The following LRBA variants were observed in gnomAD, a reference collection of about 807,000 sequenced individuals.
LRBA encodes the protein lipopolysaccharide-responsive and beige-like anchor protein.
Under a neutral mutation model 330.0 loss-of-function variants are expected in LRBA, and 176 were observed. That is an observed-to-expected ratio of 0.53 (90% CI 0.47 to 0.60). The LOEUF (loss-of-function observed/expected upper bound fraction) is 0.60. Among genes scored for constraint, LRBA ranks in the 20% least tolerant of loss-of-function variants. LRBA has a pLI of 0.00. For missense variants in LRBA, 3,259 were observed against 3,444.8 expected (o/e 0.95, Z 1.35); for synonymous variants, 1,230 against 1,193.0 (o/e 1.03, Z -0.64).
rs70941440 is a variant in LRBA, at chr4:150,768,927, C to CTTTTTTTT, written c.5581-7088_5581-7081dup. Among the ~76,000 whole-genome samples, 7 of 75,026 alleles carry CTTTTTTTT rather than the reference C, an allele frequency of 9.3e-5. 2 individuals are homozygous for CTTTTTTTT. Among genetic ancestry groups the CTTTTTTTT allele is most frequent in the African/African-American group, 2.5e-4 (5 of 19,666 alleles). The allele number at this position is 75,026 out of a possible 152,430, so 49.2% of individuals were successfully genotyped here. On this transcript the variant is annotated intron_variant, in intron 34 of 56. Transcript: ENST00000651943. ...TAGGGATTTTATCAAGTGCTGTCTC[C>CTTTTTTTT]TTTTTTTTTTTTTTTTTTTTTTTTT...
intron 44 of LRBA, among the ~76,000 whole-genome samples, chr4:150,457,843 A>G (rs1411369805): frequency 6.6e-6 from 1 of 151,996 alleles, no homozygotes; most frequent in Non-Finnish European, 1.5e-5. Flanking sequence ...GATAAAATTA[A>G]TAATGCTATG....
chr4:150,620,993 T>A (rs1776237406), intron 37 of LRBA, among the ~76,000 whole-genome samples: 1 of 152,200 alleles, frequency 6.6e-6, no homozygotes, highest in African/African-American at 2.4e-5. Flanking sequence ...TTTGAAATTT[T>A]TTTGGAGAAA....
At chr4:150,477,777 C>T (rs1756879496) in intron 42 of LRBA, among the ~76,000 whole-genome samples, 2 of 152,000 alleles carry the variant, frequency 1.3e-5, no homozygotes, top group African/African-American at 4.8e-5. Flanking sequence ...CCGCTTCTTC[C>T]TCATGCTCCT....
intron 52 of LRBA, among the ~76,000 whole-genome samples, chr4:150,308,499 T>TA (rs1730644199): frequency 1.3e-5 from 2 of 152,230 alleles, no homozygotes; most frequent in South Asian, 4.1e-4. Context: ...TTTTTATTGT[T>TA]AAAGTGTAGT....
At chr4:150,658,538 TC>T (rs1288008384) in intron 37 of LRBA, among the ~76,000 whole-genome samples, 1 of 14 alleles carries the variant, frequency 0.071, no homozygotes, top group African/African-American at 0.083. Context: ...CCTCTCCCTC[TC>T]CCTCTCCCTC....
chr4:150,409,762 T>G (rs575103512), intron 47 of LRBA, among the ~76,000 whole-genome samples: 1 of 152,160 alleles, frequency 6.6e-6, no homozygotes. Flanking sequence ...AAATCTTTTT[T>G]CCTCTTATTT....
intron 46 of LRBA, among the ~76,000 whole-genome samples, chr4:150,432,450 G>GTTTTTTT (rs1235370407): frequency 5.6e-5 from 4 of 70,848 alleles, no homozygotes; most frequent in Non-Finnish European, 8.9e-5. Flanking sequence ...ATTTAAGTGT[G>GTTTTTTT]TTCTTTTTTT....
intron 51 of LRBA, chr4:150,315,130 A>G (rs1580988007): frequency 4.8e-6 from 1 of 208,054 alleles, no homozygotes; most frequent in East Asian, 1.6e-4. Flanking sequence ...TTTATTTTTC[A>G]TAACGCAGTG....
At chr4:150,636,569 C>T (rs1050099002) in intron 37 of LRBA, among the ~76,000 whole-genome samples, 1 of 152,144 alleles carries the variant, frequency 6.6e-6, no homozygotes, top group Non-Finnish European at 1.5e-5. Context: ...AAGATCAAGG[C>T]TTTAGGTGCA....
chr4:150,848,682 A>G, intron 26 of LRBA, 136 bp downstream of exon 26: 1 of 671,380 alleles, frequency 1.5e-6, no homozygotes, highest in Middle Eastern at 3.5e-4. Flanking sequence ...TACTATGTAC[A>G]TTAAAAAAAG....
chr4:150,279,527 C>G (rs572099783), intron 55 of LRBA, among the ~76,000 whole-genome samples: 2 of 152,326 alleles, frequency 1.3e-5, no homozygotes, highest in Non-Finnish European at 2.9e-5. Context: ...ACATTCAGTT[C>G]TAGCATAGCT....
intron 36 of LRBA, among the ~76,000 whole-genome samples, chr4:150,690,456 T>G (rs1033460646): frequency 6.9e-6 from 1 of 145,686 alleles, no homozygotes; most frequent in Non-Finnish European, 1.5e-5. Flanking sequence ...TGAGCCGAGA[T>G]CACGCCACTG....
At chr4:150,608,327 A>G (rs187687098) in intron 37 of LRBA, among the ~76,000 whole-genome samples, 10 of 152,336 alleles carry the variant, frequency 6.6e-5, no homozygotes, top group African/African-American at 2.2e-4. Flanking sequence ...TGCTAGACCC[A>G]GAGAAGAGTC....
intron 34 of LRBA, among the ~76,000 whole-genome samples, chr4:150,763,761 A>G (rs1735401614): frequency 6.6e-6 from 1 of 151,980 alleles, no homozygotes; most frequent in African/African-American, 2.4e-5. Context: ...GTAATGCACA[A>G]GAACAGTAGA....
rs1200764403 is a variant in LRBA at position 150,802,035 on chromosome 4, AAATAAATAAATAAATC to A, written c.5519-3909_5519-3894del. 2.3e-3 allele frequency among the ~76,000 whole-genome samples: 260 copies of A among 113,960 alleles called. 2 individuals carry two copies. The highest frequency in any genetic ancestry group is 5.8e-3 in the South Asian group (20 of 3,464). The allele number at this position is 113,960 out of a possible 152,430, so 74.8% of individuals were successfully genotyped here. ...TAAATAAATAAATAAATAAATAAAT[AAATAAATAAATAAATC>A]AATAAAATTTTTTAAAACATTAGAC... On this transcript the variant is annotated intron_variant, in intron 33 of 56. Transcript: ENST00000651943.
intron 34 of LRBA, among the ~76,000 whole-genome samples, chr4:150,778,488 C>T (rs1445603631): frequency 2.0e-5 from 3 of 152,088 alleles, no homozygotes; most frequent in Non-Finnish European, 2.9e-5. Flanking sequence ...TGTTTAGGCA[C>T]ATGAAATATT....
intron 40 of LRBA, among the ~76,000 whole-genome samples, chr4:150,516,213 TTC>T (rs200912511): frequency 0.081 from 5,513 of 68,016 alleles, 1,369 homozygotes; most frequent in Non-Finnish European, 0.16. Context: ...ACATTTTCTA[TTC>T]TCTTTTTTTT....
At chr4:150,652,647 A>G (rs1174293299) in intron 37 of LRBA, among the ~76,000 whole-genome samples, 9 of 152,208 alleles carry the variant, frequency 5.9e-5, no homozygotes, top group Non-Finnish European at 1.3e-4. Context: ...ATATCATTTC[A>G]GCACACAATC....
chr4:150,829,591 C>T (rs1168981019), intron 29 of LRBA, among the ~76,000 whole-genome samples: 1 of 152,096 alleles, frequency 6.6e-6, no homozygotes, highest in Non-Finnish European at 1.5e-5. Flanking sequence ...TTTTTGTTTT[C>T]CTTGTACTAC....
Sources: allele counts gnomAD v4.1 joint callset (sites outside exome capture counted in the v4.1 genomes callset), GRCh38; gene constraint gnomAD v4.1.1; transcripts MANE v1.5; gene names NCBI Gene and HGNC (gene_info 2026-07-23, HGNC 2026-07-21).